The following ZMIZ1 variants were observed in gnomAD, a reference collection of about 807,000 sequenced individuals.
The protein encoded by ZMIZ1 is zinc finger MIZ domain-containing protein 1.
Under a neutral mutation model 113.9 loss-of-function variants are expected in ZMIZ1, and 17 were observed. That is an observed-to-expected ratio of 0.15 (90% CI 0.10 to 0.22). The LOEUF is 0.22. Ranked by LOEUF, ZMIZ1 falls within the 10% of genes least tolerant of loss-of-function variation. ZMIZ1 has a pLI of 1.00. For synonymous variants in ZMIZ1, 607 were observed against 603.1 expected, an observed-to-expected ratio of 1.01 and a Z score of -0.09; for missense variants, 1,059 against 1,477.8, an observed-to-expected ratio of 0.72 and a Z score of 4.65.
intron 7 of ZMIZ1, among the ~76,000 whole-genome samples, chr10:79,242,510 A>G (rs1224924601): frequency 1.3e-5 from 2 of 151,014 alleles, no homozygotes; most frequent in Non-Finnish European, 3.0e-5. Flanking sequence ...AATCCTTTAA[A>G]CCGAGATTTA....
In ZMIZ1 at chr10:79,296,005, T is replaced by A. The variant is rs1346322007; in HGVS notation, c.1231-466T>A. The A allele has an allele frequency of 5.3e-6, 1 of 189,562 alleles. No individual in the cohort carries two copies. Among genetic ancestry groups the A allele is most frequent in the Non-Finnish European group, 1.1e-5 (1 of 90,186 alleles). 11.7% of individuals were successfully genotyped at this position (189,562 alleles called of 1,614,324 possible). On this transcript the variant is annotated intron_variant, in intron 12 of 24. Transcript: ENST00000334512. This position sits in a 1 kb window ranked among gnomAD's most constrained non-coding sequence, Gnocchi z 4.1. ...GGTGTGTGTTCTGCTCTGAGGGGAG[T>A]ACGAGGACAATGCCACCCAAGTTCA...
At position 79,069,891 on chromosome 10, in the gene ZMIZ1, C is replaced by G. The variant is rs1188264996; in HGVS notation, c.-337+621C>G. ...TGGCGCGCGGTACAAACGAGAAACG[C>G]GGAGGTGTGTGTGCAGGGTTTTCTC... On this transcript the variant is annotated intron_variant, in intron 1 of 24. Coordinates refer to ENST00000334512, the MANE Select transcript of ZMIZ1 (RefSeq NM_020338.4). The surrounding 1 kb of genome is among the most constrained non-coding windows in gnomAD (Gnocchi z 4.6). 1.3e-5 allele frequency among the ~76,000 whole-genome samples: 2 copies of G among 151,674 alleles called. No individual in the cohort carries two copies. The highest frequency in any genetic ancestry group is 4.8e-5 in the African/African-American group (2 of 41,282).
At chr10:79,204,449 C>T (rs1191355288) in intron 5 of ZMIZ1, among the ~76,000 whole-genome samples, 1 of 152,220 alleles carries the variant, frequency 6.6e-6, no homozygotes, top group Non-Finnish European at 1.5e-5. Flanking sequence ...TCCTGCTCAG[C>T]AGCTGCCCTG....
rs549343324 is a variant in ZMIZ1, at chr10:79,108,080, C to T, written c.-336-10835C>T. Among the ~76,000 whole-genome samples, 6 of 152,338 alleles carry T rather than the reference C, an allele frequency of 3.9e-5. No individual in the cohort carries two copies. The South Asian group carries it at 8.3e-4, about 21-fold the overall frequency. ...TTCCAGGCTAGTGTTGACATCCCAGCCCACCCGGAGACCCATTTATTCTGC... is the reference window on the plus strand; with the variant it reads ...TTCCAGGCTAGTGTTGACATCCCAGTCCACCCGGAGACCCATTTATTCTGC... On this transcript the variant is annotated intron_variant, in intron 1 of 24. Coordinates refer to ENST00000334512, the MANE Select transcript of ZMIZ1 (RefSeq NM_020338.4).
At chr10:79,163,462 T>C (rs1230369525) in intron 4 of ZMIZ1, among the ~76,000 whole-genome samples, 1 of 152,254 alleles carries the variant, frequency 6.6e-6, no homozygotes, top group Non-Finnish European at 1.5e-5. Context: ...TTAGAAGCCA[T>C]GAATATTTTT....
intron 7 of ZMIZ1, among the ~76,000 whole-genome samples, chr10:79,253,298 T>C (rs1259257775): frequency 1.3e-5 from 2 of 152,154 alleles, no homozygotes; most frequent in African/African-American, 2.4e-5. Flanking sequence ...GTTGAATGGC[T>C]GTTGGATATA....
chr10:79,076,772 G>T lies in ZMIZ1; in HGVS notation c.-337+7502G>T, dbSNP rs544092735. On this transcript the variant is annotated intron_variant, in intron 1 of 24. Coordinates refer to ENST00000334512, the MANE Select transcript of ZMIZ1 (RefSeq NM_020338.4). ...GAAACACTTGAACCCATGAGGTGGA[G>T]GTTGCAGTGAGCCAAGATTGCACCA... 3.9e-5 allele frequency among the ~76,000 whole-genome samples: 6 copies of T among 152,310 alleles called. No individual in the cohort carries two copies. The South Asian group carries it at 1.2e-3, about 32-fold the overall frequency.
At chr10:79,203,010 G>A (rs1436689028) in intron 5 of ZMIZ1, among the ~76,000 whole-genome samples, 2 of 152,216 alleles carry the variant, frequency 1.3e-5, no homozygotes. Flanking sequence ...CTGGTGTGTG[G>A]TGTCCATTGT....
intron 7 of ZMIZ1, among the ~76,000 whole-genome samples, chr10:79,262,841 A>G (rs555617068): frequency 1.6e-4 from 25 of 152,336 alleles, no homozygotes; most frequent in African/African-American, 5.8e-4. Context: ...GTGGGCATCC[A>G]CTGGGCAATC....
chr10:79,120,891 C>T (rs1844262832), intron 2 of ZMIZ1, among the ~76,000 whole-genome samples: 4 of 152,316 alleles, frequency 2.6e-5, no homozygotes, highest in Admixed American at 1.3e-4. Context: ...TCCCTGCTCC[C>T]GCTCTCCCAC....
At chr10:79,088,009 G>A (rs892111201) in intron 1 of ZMIZ1, among the ~76,000 whole-genome samples, 1 of 152,228 alleles carries the variant, frequency 6.6e-6, no homozygotes, top group Non-Finnish European at 1.5e-5. Context: ...AAACATTCCA[G>A]TGCGCTCCCT....
chr10:79,213,417 C>T (rs1174708528), intron 6 of ZMIZ1, among the ~76,000 whole-genome samples: 1 of 152,150 alleles, frequency 6.6e-6, no homozygotes, highest in Non-Finnish European at 1.5e-5. Flanking sequence ...CCTCTCTGGG[C>T]CTTGACTTCC....
intron 1 of ZMIZ1, among the ~76,000 whole-genome samples, chr10:79,082,655 A>G (rs1483153558): frequency 6.6e-6 from 1 of 152,156 alleles, no homozygotes; most frequent in African/African-American, 2.4e-5. Context: ...GTCTCCCCCT[A>G]CTTTCACCCT....
At chr10:79,102,754 C>G (rs890191780) in intron 1 of ZMIZ1, among the ~76,000 whole-genome samples, 1 of 152,214 alleles carries the variant, frequency 6.6e-6, no homozygotes, top group African/African-American at 2.4e-5. Context: ...CACCTCTCCG[C>G]GGCTCAGTGC....
rs992175105 is a variant in ZMIZ1, at chr10:79,109,922, A to C, written c.-336-8993A>C. ...CAGTCTCCCCATCTGTAAGATGGCA[A>C]TAATGACCCTCACCAGTGGTCTCAT... is the stretch of plus-strand genomic sequence containing the variant. On this transcript the variant is annotated intron_variant, in intron 1 of 24. Coordinates refer to ENST00000334512, the MANE Select transcript of ZMIZ1 (RefSeq NM_020338.4). Among the ~76,000 whole-genome samples the C allele has an allele frequency of 4.6e-5, 7 of 152,256 alleles. 1 individual carries two copies. The highest frequency in any genetic ancestry group is 1.7e-4 in the African/African-American group (7 of 41,468).
chr10:79,236,508 G>GC (rs1225031618), intron 7 of ZMIZ1, among the ~76,000 whole-genome samples: 1 of 152,172 alleles, frequency 6.6e-6, no homozygotes, highest in Non-Finnish European at 1.5e-5. Context: ...AGCTGCCGTT[G>GC]CCGTCTCTTC....
intron 3 of ZMIZ1, among the ~76,000 whole-genome samples, chr10:79,159,568 G>A (rs1216532308): frequency 6.6e-6 from 1 of 152,220 alleles, no homozygotes; most frequent in Non-Finnish European, 1.5e-5. Context: ...TTAGCTGTGC[G>A]ACCTCAGGAG....
intron 8 of ZMIZ1, among the ~76,000 whole-genome samples, chr10:79,284,656 T>C (rs2132003928): frequency 6.6e-6 from 1 of 152,304 alleles, no homozygotes; most frequent in African/African-American, 2.4e-5. Flanking sequence ...TAGGAAAGTG[T>C]TAGTCCCACT....
chr10:79,224,606 G>T (rs1219526541), intron 7 of ZMIZ1, among the ~76,000 whole-genome samples: 1 of 152,190 alleles, frequency 6.6e-6, no homozygotes. Flanking sequence ...CCTAAGAAGG[G>T]CCTGCTTCTG....
Sources: gnomAD v4.1 joint callset for allele counts (sites outside exome capture counted in the v4.1 genomes callset) on GRCh38, gnomAD v4.1.1 for gene constraint, Gnocchi (gnomAD v3.1) non-coding constraint, MANE v1.5 for transcripts, NCBI Gene and HGNC (gene_info 2026-07-23, HGNC 2026-07-21) for gene names.